The following MED13L variants were observed in gnomAD, a reference collection of about 807,000 sequenced individuals.
MED13L encodes the protein mediator of RNA polymerase II transcription subunit 13-like.
In MED13L, 7 loss-of-function variants were observed where a neutral mutation model predicts 220.9. The ratio of observed to expected loss-of-function variants is 0.03; its 90% CI spans 0.02 to 0.06. The LOEUF (loss-of-function observed/expected upper bound fraction) is 0.06. Among genes scored for constraint, MED13L ranks in the 10% least tolerant of loss-of-function variants. The pLI is 1.00. For missense variants in MED13L, 1,965 were observed against 2,760.5 expected (o/e 0.71, Z 6.46); for synonymous variants, 1,011 against 1,015.2 (o/e 1.00, Z 0.08).
At chr12:116,069,355 G>T (rs1870198076) in intron 4 of MED13L, among the ~76,000 whole-genome samples, 1 of 152,142 alleles carries the variant, frequency 6.6e-6, no homozygotes, top group Non-Finnish European at 1.5e-5. Context: ...AAGTATGTGG[G>T]TACCTTTAAG....
chr12:116,012,671 A>C (rs1342788670), intron 9 of MED13L, 126 bp downstream of exon 9: 11 of 790,844 alleles, frequency 1.4e-5, no homozygotes, highest in Middle Eastern at 2.5e-4. Flanking sequence ...GAAAAAAACT[A>C]ATCTTTTTCT....
chr12:116,103,182 G>A lies in MED13L; in HGVS notation c.396-6430C>T, dbSNP rs543898426. Among the ~76,000 whole-genome samples the A allele has an allele frequency of 1.9e-3, 287 of 152,116 alleles. 1 individual carries two copies. The highest frequency in any genetic ancestry group is 6.6e-3 in the African/African-American group (275 of 41,490). On this transcript the variant is annotated intron_variant, in intron 3 of 30. Transcript: ENST00000281928. ...TGTCCATTCTAATGTAATTCCAAAA[G>A]CTTTATCTCTCCTCTAGTTTTAAAC... is the stretch of plus-strand genomic sequence containing the variant.
At chr12:115,968,027 A>C (rs1876304242) in intron 28 of MED13L, among the ~76,000 whole-genome samples, 1 of 148,560 alleles carries the variant, frequency 6.7e-6, no homozygotes, top group Non-Finnish European at 1.5e-5. Flanking sequence ...TCCAGCGTCT[A>C]ATAAATTCAG....
At chr12:116,092,359 C>G (rs1274413719) in intron 4 of MED13L, among the ~76,000 whole-genome samples, 1 of 152,112 alleles carries the variant, frequency 6.6e-6, no homozygotes, top group East Asian at 1.9e-4. Context: ...TGGGCTATAA[C>G]AGAGTCTGGG....
At chr12:116,183,836 G>GTGTGTT (rs1359428636) in intron 2 of MED13L, among the ~76,000 whole-genome samples, 1 of 151,566 alleles carries the variant, frequency 6.6e-6, no homozygotes, top group Non-Finnish European at 1.5e-5. Context: ...GTGTGTGTGT[G>GTGTGTT]TGTGTGTAAA....
chr12:116,070,068 A>G (rs1870250561), intron 4 of MED13L, among the ~76,000 whole-genome samples: 1 of 152,192 alleles, frequency 6.6e-6, no homozygotes, highest in Non-Finnish European at 1.5e-5. Context: ...ATTACATTCA[A>G]GTTTTACAAA....
chr12:116,215,805 A>G (rs1882957549), intron 2 of MED13L, among the ~76,000 whole-genome samples: 1 of 152,170 alleles, frequency 6.6e-6, no homozygotes, highest in Non-Finnish European at 1.5e-5. Flanking sequence ...CTTTCCAAGA[A>G]TGATGGAACC....
intron 2 of MED13L, among the ~76,000 whole-genome samples, chr12:116,134,778 C>T (rs1876387596): frequency 6.6e-6 from 1 of 152,074 alleles, no homozygotes; most frequent in Non-Finnish European, 1.5e-5. Context: ...AACAAGACCC[C>T]AAGTGTCTGA....
rs768413898 is a variant in MED13L, at chr12:115,982,612, A to C, written c.4956-9T>G. ...TCTCCCTTTCTGTAACACTGGAGAG[A>C]GAGTCACTTGTGAGATGCACAAAAT... is the stretch of plus-strand genomic sequence containing the variant. On this transcript the variant is annotated splice_polypyrimidine_tract_variant and intron_variant, in intron 21 of 30. Coordinates refer to ENST00000281928, the MANE Select transcript of MED13L (RefSeq NM_015335.5). The C allele has an allele frequency of 1.9e-6, 3 of 1,605,692 alleles. No homozygotes were observed. The African/African-American group carries it at 4.0e-5, about 21-fold the overall frequency.
intron 2 of MED13L, among the ~76,000 whole-genome samples, chr12:116,216,181 C>G (rs1004297807): frequency 1.3e-5 from 2 of 152,042 alleles, no homozygotes; most frequent in South Asian, 4.1e-4. Context: ...CTCTCTGAAG[C>G]TTTATTTATT....
chr12:116,229,992 TA>T (rs1555224722), intron 2 of MED13L, among the ~76,000 whole-genome samples: 5 of 152,218 alleles, frequency 3.3e-5, no homozygotes, highest in Non-Finnish European at 1.5e-5. Flanking sequence ...GTATACTTTA[TA>T]AACTACTTAG....
chr12:115,977,061 G>A (rs1876988206), intron 23 of MED13L, among the ~76,000 whole-genome samples: 1 of 152,224 alleles, frequency 6.6e-6, no homozygotes, highest in Admixed American at 6.5e-5. Flanking sequence ...TACTTGGGAG[G>A]CTGACTGCCT....
chr12:116,181,724 C>A (rs1880546379), intron 2 of MED13L, among the ~76,000 whole-genome samples: 1 of 152,054 alleles, frequency 6.6e-6, no homozygotes, highest in African/African-American at 2.4e-5. Context: ...AGGCTGGTTT[C>A]GAACTCCTGA....
intron 1 of MED13L, among the ~76,000 whole-genome samples, chr12:116,270,046 C>G (rs1304767479): frequency 1.3e-5 from 2 of 150,648 alleles, no homozygotes; most frequent in Non-Finnish European, 3.0e-5. Context: ...ACAAAGATAA[C>G]CAAAACATGC....
intron 2 of MED13L, among the ~76,000 whole-genome samples, chr12:116,150,072 C>T (rs1227710759): frequency 6.6e-6 from 1 of 152,108 alleles, no homozygotes; most frequent in Non-Finnish European, 1.5e-5. Context: ...AATAAATGCA[C>T]ACATGGACAG....
At chr12:116,229,017 TCCTCCCTCCTCAG>T (rs142175975) in intron 2 of MED13L, among the ~76,000 whole-genome samples, 3,032 of 152,190 alleles carry the variant, frequency 0.02, 57 homozygotes, top group Middle Eastern at 0.054. Context: ...GCTCAAGCGA[TCCTCCCTCCTCAG>T]CCTCCCATAG....
At chr12:115,961,619 G>C (rs988220372) in intron 30 of MED13L, 2 of 609,920 alleles carry the variant, frequency 3.3e-6, no homozygotes, top group Non-Finnish European at 5.8e-6. Context: ...ATTGAGCTCC[G>C]CCAGTGAGGC....
At chr12:116,249,598 A>G (rs1871340950) in intron 1 of MED13L, among the ~76,000 whole-genome samples, 1 of 152,106 alleles carries the variant, frequency 6.6e-6, no homozygotes, top group African/African-American at 2.4e-5. Context: ...AATATGGTCA[A>G]GAATTTAAAG....
chr12:116,084,183 C>A (rs947076332), intron 4 of MED13L, among the ~76,000 whole-genome samples: 3 of 152,186 alleles, frequency 2.0e-5, no homozygotes, highest in Non-Finnish European at 4.4e-5. Context: ...GTATTTTTAG[C>A]ACCACGTGTT....
Sources: allele counts gnomAD v4.1 joint callset (sites outside exome capture counted in the v4.1 genomes callset), GRCh38; gene constraint gnomAD v4.1.1; transcripts MANE v1.5; gene names NCBI Gene and HGNC (gene_info 2026-07-23, HGNC 2026-07-21).